The following GRM8 variants were observed in gnomAD, a reference collection of about 807,000 sequenced individuals.
GRM8 encodes glutamate metabotropic receptor 8, also known as metabotropic glutamate receptor 8.
Under a neutral mutation model 87.2 loss-of-function variants are expected in GRM8, and 47 were observed. The ratio of observed to expected loss-of-function variants is 0.54; its 90% confidence interval spans 0.43 to 0.69. GRM8 has a LOEUF of 0.69. GRM8 is among the 30% of genes least tolerant of loss of function. GRM8 has a pLI of 0.00. For missense variants in GRM8, 1,019 were observed against 1,139.2 expected (o/e 0.89, Z 1.52); for synonymous variants, 396 against 404.5 (o/e 0.98, Z 0.25).
chr7:126,457,485 C>A (rs958241263), intron 9 of GRM8, among the ~76,000 whole-genome samples: 1 of 151,376 alleles, frequency 6.6e-6, no homozygotes, highest in African/African-American at 2.4e-5. Context: ...GATTTAAATA[C>A]AGGGTATGCT....
chr7:127,227,056 T>A (rs1220222889), intron 2 of GRM8, among the ~76,000 whole-genome samples: 1 of 152,216 alleles, frequency 6.6e-6, no homozygotes, highest in African/African-American at 2.4e-5. Flanking sequence ...AAAAGTGTTT[T>A]CAAAGTAAAG....
At chr7:126,522,618 T>C (rs2041167) in intron 9 of GRM8, among the ~76,000 whole-genome samples, 63,804 of 152,048 alleles carry the variant, frequency 0.42, 13,995 homozygotes, top group African/African-American at 0.55. Context: ...TGTGGCTATC[T>C]TAAACTTAAA....
intron 7 of GRM8, among the ~76,000 whole-genome samples, chr7:126,708,856 G>A (rs1160351980): frequency 1.3e-5 from 2 of 151,748 alleles, no homozygotes; most frequent in East Asian, 3.9e-4. Context: ...GTTGGTGAGG[G>A]GATTCAAAAT....
At chr7:126,665,782 T>C (rs1311851321) in intron 7 of GRM8, among the ~76,000 whole-genome samples, 1 of 151,840 alleles carries the variant, frequency 6.6e-6, no homozygotes, top group Non-Finnish European at 1.5e-5. Context: ...TTAAATTATA[T>C]AAAATAAAAC....
chr7:126,659,444 A>T (rs1003105845), intron 7 of GRM8, among the ~76,000 whole-genome samples: 1 of 152,198 alleles, frequency 6.6e-6, no homozygotes, highest in Non-Finnish European at 1.5e-5. Context: ...CCTAAATACA[A>T]ATATGATACG....
At chr7:126,520,495 C>T (rs1812825951) in intron 9 of GRM8, among the ~76,000 whole-genome samples, 2 of 152,036 alleles carry the variant, frequency 1.3e-5, no homozygotes, top group African/African-American at 2.4e-5. Flanking sequence ...ACGAATGCAG[C>T]TTTTCTAGCA....
chr7:126,486,783 A>G (rs1807424945), intron 9 of GRM8, among the ~76,000 whole-genome samples: 1 of 152,098 alleles, frequency 6.6e-6, no homozygotes, highest in Non-Finnish European at 1.5e-5. Flanking sequence ...CATTTTATGA[A>G]AATTACAACT....
intron 6 of GRM8, among the ~76,000 whole-genome samples, chr7:126,858,352 A>G (rs1218085302): frequency 6.6e-6 from 1 of 152,138 alleles, no homozygotes; most frequent in Non-Finnish European, 1.5e-5. Context: ...TCTCTTACAG[A>G]AAAACCCAAA....
chr7:126,506,450 C>T (rs1157866913), intron 9 of GRM8, among the ~76,000 whole-genome samples: 1 of 151,990 alleles, frequency 6.6e-6, no homozygotes, highest in African/African-American at 2.4e-5. Flanking sequence ...CTATTCTTTC[C>T]CAGAAAACCC....
At chr7:126,813,730 A>G (rs770937646) in intron 6 of GRM8, among the ~76,000 whole-genome samples, 3 of 152,024 alleles carry the variant, frequency 2.0e-5, no homozygotes, top group Non-Finnish European at 4.4e-5. Context: ...TTGTATGCCT[A>G]TTTTCAGGAT....
chr7:127,067,980 G>A (rs542592669), intron 3 of GRM8, among the ~76,000 whole-genome samples: 11 of 152,248 alleles, frequency 7.2e-5, no homozygotes, highest in African/African-American at 2.6e-4. Context: ...ACCTATTTAG[G>A]TAACTGTGCC....
intron 3 of GRM8, among the ~76,000 whole-genome samples, chr7:127,040,584 G>T (rs541855052): frequency 7.4e-6 from 1 of 135,742 alleles, no homozygotes; most frequent in Non-Finnish European, 1.5e-5. Flanking sequence ...TGTCCTGCAA[G>T]TTACTTCTGT....
intron 7 of GRM8, among the ~76,000 whole-genome samples, chr7:126,759,688 T>G (rs1817389798): frequency 6.6e-6 from 1 of 152,168 alleles, no homozygotes. Flanking sequence ...TGCATCTTTC[T>G]AAAGATTCTC....
At chr7:126,722,132 A>G (rs1812458121) in intron 7 of GRM8, among the ~76,000 whole-genome samples, 1 of 152,194 alleles carries the variant, frequency 6.6e-6, no homozygotes, top group African/African-American at 2.4e-5. Flanking sequence ...CCTGGGCGTC[A>G]TAAAAATTTT....
chr7:127,216,314 T>G (rs568874211), intron 2 of GRM8, among the ~76,000 whole-genome samples: 2 of 151,678 alleles, frequency 1.3e-5, no homozygotes, highest in African/African-American at 2.4e-5. Flanking sequence ...GTCAGGAGAT[T>G]CAGACCATTC....
chr7:127,100,343 T>A (rs1244214772), intron 3 of GRM8, among the ~76,000 whole-genome samples: 2 of 152,062 alleles, frequency 1.3e-5, no homozygotes, highest in East Asian at 3.8e-4. Context: ...TTTCTGAGGA[T>A]CTCCTTTTAT....
intron 8 of GRM8, among the ~76,000 whole-genome samples, chr7:126,570,250 T>C (rs1205353192): frequency 6.6e-6 from 1 of 152,196 alleles, no homozygotes; most frequent in Non-Finnish European, 1.5e-5. Flanking sequence ...CTTCTGTAAT[T>C]TCATTTGTAA....
intron 7 of GRM8, among the ~76,000 whole-genome samples, chr7:126,615,735 A>T (rs1239416522): frequency 6.6e-6 from 1 of 152,198 alleles, no homozygotes; most frequent in African/African-American, 2.4e-5. Flanking sequence ...CTAGTCTCTG[A>T]TGAAACAGAC....
chr7:127,185,726 G>A (rs1794698040), intron 2 of GRM8, among the ~76,000 whole-genome samples: 1 of 152,096 alleles, frequency 6.6e-6, no homozygotes, highest in Non-Finnish European at 1.5e-5. Flanking sequence ...GTTGCATTTG[G>A]GAGATTAAGA....
Sources: allele counts gnomAD v4.1 joint callset (sites outside exome capture counted in the v4.1 genomes callset), GRCh38; gene constraint gnomAD v4.1.1; transcripts MANE v1.5; gene names NCBI Gene and HGNC (gene_info 2026-07-23, HGNC 2026-07-21).